PALLD: variants seen among roughly 807,000 people sequenced by gnomAD.
PALLD encodes the protein palladin, cytoskeletal associated protein.
In PALLD, 61 loss-of-function variants were observed where a neutral mutation model predicts 123.5. The ratio of observed to expected loss-of-function variants is 0.49; its 90% CI spans 0.40 to 0.61. The LOEUF is 0.61. Among genes scored for constraint, PALLD ranks in the 20% least tolerant of loss-of-function variants. PALLD has a pLI of 0.00. For synonymous variants in PALLD, 465 were observed against 496.4 expected, an observed-to-expected ratio of 0.94 and a Z score of 0.84; for missense variants, 1,273 against 1,377.0, an observed-to-expected ratio of 0.92 and a Z score of 1.20.
intron 2 of PALLD, among the ~76,000 whole-genome samples, chr4:168,556,550 T>C (rs1321265934): frequency 1.3e-5 from 2 of 152,216 alleles, no homozygotes; most frequent in Non-Finnish European, 1.5e-5. Context: ...CAGGATGCTT[T>C]CAATGTGTGC....
intron 10 of PALLD, among the ~76,000 whole-genome samples, chr4:168,741,155 C>T (rs1039496378): frequency 1.1e-4 from 16 of 152,068 alleles, no homozygotes; most frequent in African/African-American, 1.7e-4. Context: ...CTCTGGATGG[C>T]GGATCACTCT....
intron 10 of PALLD, among the ~76,000 whole-genome samples, chr4:168,880,131 C>A (rs962559672): frequency 1.3e-5 from 2 of 152,166 alleles, no homozygotes; most frequent in Non-Finnish European, 2.9e-5. Flanking sequence ...GTAGAAACAG[C>A]AGTTTGTGCT....
At chr4:168,885,994 T>C (rs188555343) in intron 10 of PALLD, among the ~76,000 whole-genome samples, 1 of 152,272 alleles carries the variant, frequency 6.6e-6, no homozygotes, top group Non-Finnish European at 1.5e-5. Context: ...ATTCTAATTT[T>C]CTCTTATTTT....
chr4:168,694,040 C>T (rs1782904537), intron 8 of PALLD, among the ~76,000 whole-genome samples: 1 of 152,102 alleles, frequency 6.6e-6, no homozygotes, highest in Admixed American at 6.5e-5. Flanking sequence ...TTACTAGTTG[C>T]CAAGTGTTTT....
At chr4:168,781,926 AT>A (rs1054318674) in intron 10 of PALLD, among the ~76,000 whole-genome samples, 25 of 151,746 alleles carry the variant, frequency 1.6e-4, no homozygotes, top group Admixed American at 6.6e-5. Flanking sequence ...TCTTCCTATC[AT>A]TGTTTTGATA....
intron 2 of PALLD, among the ~76,000 whole-genome samples, chr4:168,582,439 A>G (rs923076593): frequency 1.3e-5 from 2 of 151,930 alleles, no homozygotes; most frequent in African/African-American, 4.8e-5. Flanking sequence ...CCCTTTTGTG[A>G]TCTGAATCCC....
intron 2 of PALLD, among the ~76,000 whole-genome samples, chr4:168,512,836 T>C (rs1762648871): frequency 6.6e-6 from 1 of 152,072 alleles, no homozygotes. Context: ...GGCACGAGTG[T>C]GTAGAGGCCA....
In PALLD at chr4:168,854,509, T is replaced by G. The variant is rs547820533; in HGVS notation, c.1965-36413T>G. Among the ~76,000 whole-genome samples the G allele has an allele frequency of 6.6e-5, 10 of 152,266 alleles. No individual in the cohort carries two copies. In the East Asian group the frequency reaches 1.7e-3, roughly 26 times the overall value. On this transcript the variant is annotated intron_variant, in intron 10 of 21. Transcript: ENST00000505667. ...ATCAGAAGTAGGCCCTGTGCCGATT[T>G]TGTAGGTGGGAAGCTGAAGATGCAA... is the stretch of plus-strand genomic sequence containing the variant.
chr4:168,818,285 T>G (rs1742251914), intron 10 of PALLD, among the ~76,000 whole-genome samples: 1 of 152,108 alleles, frequency 6.6e-6, no homozygotes, highest in Non-Finnish European at 1.5e-5. Flanking sequence ...TTTAAGCAAT[T>G]TAACAATAGA....
At chr4:168,878,682 T>TTGGG (rs1553965735) in intron 10 of PALLD, among the ~76,000 whole-genome samples, 5 of 83,926 alleles carry the variant, frequency 6.0e-5, no homozygotes, top group Admixed American at 1.2e-4. Context: ...TTAATCATTA[T>TTGGG]GGGGGGGGGG....
chr4:168,723,111 G>A (rs551196777), intron 10 of PALLD, among the ~76,000 whole-genome samples: 3 of 152,326 alleles, frequency 2.0e-5, no homozygotes, highest in East Asian at 1.9e-4. Context: ...CAGGAGCAGA[G>A]GAAGTGGTCA....
intron 2 of PALLD, among the ~76,000 whole-genome samples, chr4:168,559,556 T>G (rs767650952): frequency 2.0e-5 from 3 of 152,136 alleles, no homozygotes; most frequent in African/African-American, 4.8e-5. Context: ...ATTATTATAG[T>G]GATAATATCA....
chr4:168,506,692 C>T (rs1263164698), intron 1 of PALLD, among the ~76,000 whole-genome samples: 1 of 152,086 alleles, frequency 6.6e-6, no homozygotes, highest in Admixed American at 6.5e-5. Context: ...CTACTACCTT[C>T]TGTCTCTCCT....
At chr4:168,546,008 C>A (rs1766104687) in intron 2 of PALLD, among the ~76,000 whole-genome samples, 1 of 152,112 alleles carries the variant, frequency 6.6e-6, no homozygotes, top group South Asian at 2.1e-4. Context: ...TTTAAATGCA[C>A]AATTCCATTC....
chr4:168,610,241 T>C (rs1178356553), intron 2 of PALLD, among the ~76,000 whole-genome samples: 3 of 152,212 alleles, frequency 2.0e-5, no homozygotes, highest in Non-Finnish European at 4.4e-5. Context: ...TCAGTGTTTT[T>C]CCCTCAGAGC....
intron 10 of PALLD, among the ~76,000 whole-genome samples, chr4:168,778,261 A>C (rs1487400787): frequency 6.6e-6 from 1 of 152,126 alleles, no homozygotes. Context: ...AGACAGTGGG[A>C]GGATGGACAC....
chr4:168,806,217 AC>A (rs1197190336), intron 10 of PALLD, among the ~76,000 whole-genome samples: 1 of 152,158 alleles, frequency 6.6e-6, no homozygotes, highest in Non-Finnish European at 1.5e-5. Context: ...GGCTTGTGCC[AC>A]CACGCCTGGC....
intron 2 of PALLD, among the ~76,000 whole-genome samples, chr4:168,643,175 C>G (rs1777123643): frequency 1.3e-5 from 2 of 152,194 alleles, no homozygotes; most frequent in Non-Finnish European, 2.9e-5. Flanking sequence ...TATACCCTAT[C>G]CTTAATTAGA....
intron 8 of PALLD, among the ~76,000 whole-genome samples, chr4:168,694,610 G>A (rs1000298301): frequency 9.2e-5 from 14 of 152,072 alleles, no homozygotes; most frequent in Non-Finnish European, 1.5e-4. Flanking sequence ...CAGAAATAAA[G>A]TTGAAATTCC....
Sources: allele counts gnomAD v4.1 joint callset (sites outside exome capture counted in the v4.1 genomes callset), GRCh38; gene constraint gnomAD v4.1.1; transcripts MANE v1.5; gene names NCBI Gene and HGNC (gene_info 2026-07-23, HGNC 2026-07-21).